MCTP1: variants seen among roughly 807,000 people sequenced by gnomAD.
MCTP1 encodes the protein multiple C2 and transmembrane domain-containing protein 1.
In MCTP1, 69 loss-of-function variants were observed where a neutral mutation model predicts 120.6. The ratio of observed to expected loss-of-function variants is 0.57; its 90% CI spans 0.47 to 0.70. MCTP1 has a LOEUF of 0.70. Among genes scored for constraint, MCTP1 ranks in the 30% least tolerant of loss-of-function variants. The pLI, the probability that MCTP1 is intolerant of heterozygous loss-of-function variation, is 0.00. For missense variants in MCTP1, 1,203 were observed against 1,248.8 expected, an observed-to-expected ratio of 0.96 and a Z score of 0.55; for synonymous variants, 529 against 493.1, an observed-to-expected ratio of 1.07 and a Z score of -0.96.
rs1018547355 is a variant in MCTP1 at position 94,705,123 on chromosome 5, A to ACATT, written c.*2369_*2372dup. ...AGCAGTCCAAGTAGATGTTTGAGTG[A>ACATT]CATTCAGTCTCTTAAGAAATATTTA... On this transcript the variant is annotated 3_prime_UTR_variant, in exon 23 of 23. Coordinates refer to ENST00000515393, the MANE Select transcript of MCTP1 (RefSeq NM_024717.7). 16 of 151,680 alleles carry ACATT rather than the reference A, an allele frequency of 1.1e-4. No individual in the cohort carries two copies. The highest frequency in any genetic ancestry group is 3.9e-4 in the African/African-American group (16 of 41,490). 9.4% of individuals were successfully genotyped at this position (151,680 alleles called of 1,614,324 possible). A position where few individuals can be genotyped will look rare whatever the true frequency, so the allele number is the denominator to read the frequency against.
chr5:95,129,032 G>A (rs183497862), intron 1 of MCTP1, among the ~76,000 whole-genome samples: 2 of 152,164 alleles, frequency 1.3e-5, no homozygotes, highest in East Asian at 3.9e-4. Context: ...AAGGAGCAAA[G>A]GATGCCTAAA....
chr5:94,735,800 A>AT (rs1554082658), intron 19 of MCTP1, among the ~76,000 whole-genome samples: 48,446 of 152,258 alleles, frequency 0.32, 7,911 homozygotes, highest in Non-Finnish European at 0.34. Flanking sequence ...ACTTTAAAAT[A>AT]TATCTGTGCA....
chr5:95,264,144 G>A (rs557414327), intron 1 of MCTP1, among the ~76,000 whole-genome samples: 1 of 152,348 alleles, frequency 6.6e-6, no homozygotes, highest in East Asian at 1.9e-4. Flanking sequence ...AGGAGGAAAA[G>A]AGGATGGTAA....
intron 17 of MCTP1, among the ~76,000 whole-genome samples, chr5:94,833,975 C>T (rs1789132681): frequency 6.6e-6 from 1 of 152,188 alleles, no homozygotes; most frequent in South Asian, 2.1e-4. Context: ...CAATACTTTT[C>T]TGCTGTCACC....
At chr5:95,264,390 T>C (rs1037959817) in intron 1 of MCTP1, among the ~76,000 whole-genome samples, 10 of 152,310 alleles carry the variant, frequency 6.6e-5, no homozygotes, top group Middle Eastern at 3.4e-3. Flanking sequence ...TAAAATTCCA[T>C]ACTCTATGCT....
chr5:95,226,608 G>C (rs1409781249), intron 1 of MCTP1, among the ~76,000 whole-genome samples: 1 of 150,028 alleles, frequency 6.7e-6, no homozygotes, highest in Admixed American at 6.6e-5. Context: ...TTTTTAACTT[G>C]CCAACTATGG....
intron 1 of MCTP1, among the ~76,000 whole-genome samples, chr5:95,054,793 T>C (rs1746934409): frequency 1.1e-5 from 1 of 93,592 alleles, no homozygotes. Context: ...GTGTTTTTTG[T>C]TGTTATTGTT....
chr5:94,888,686 C>T (rs1581200132), intron 12 of MCTP1, among the ~76,000 whole-genome samples, 193 bp downstream of exon 12: 1 of 152,146 alleles, frequency 6.6e-6, no homozygotes, highest in African/African-American at 2.4e-5. Flanking sequence ...ATTTTTAATA[C>T]ATTACCCTGC....
At chr5:95,228,685 A>T (rs1442852876) in intron 1 of MCTP1, among the ~76,000 whole-genome samples, 2 of 152,168 alleles carry the variant, frequency 1.3e-5, no homozygotes, top group Non-Finnish European at 2.9e-5. Flanking sequence ...AGGTGATTAA[A>T]TCATGGGGCA....
chr5:95,171,883 A>G (rs2152498150), intron 1 of MCTP1, among the ~76,000 whole-genome samples: 1 of 152,036 alleles, frequency 6.6e-6, no homozygotes, highest in Non-Finnish European at 1.5e-5. Flanking sequence ...GAGGAGTTTA[A>G]TCGTCTGAAG....
At chr5:95,199,756 G>A (rs1359980120) in intron 1 of MCTP1, among the ~76,000 whole-genome samples, 1 of 151,978 alleles carries the variant, frequency 6.6e-6, no homozygotes, top group African/African-American at 2.4e-5. Context: ...CTACTCAGGA[G>A]GCTGGGGCAA....
At chr5:94,765,104 T>C (rs1325680436) in intron 19 of MCTP1, among the ~76,000 whole-genome samples, 1 of 152,074 alleles carries the variant, frequency 6.6e-6, no homozygotes, top group Non-Finnish European at 1.5e-5. Context: ...CTTTGGGAAC[T>C]GTATAAATAT....
chr5:94,722,164 A>G (rs1424277878), intron 19 of MCTP1, among the ~76,000 whole-genome samples: 2 of 152,192 alleles, frequency 1.3e-5, no homozygotes, highest in Non-Finnish European at 2.9e-5. Flanking sequence ...AAGAAAATCT[A>G]AAGACCTAAA....
intron 17 of MCTP1, among the ~76,000 whole-genome samples, chr5:94,824,995 G>A: frequency 6.6e-6 from 1 of 152,084 alleles, no homozygotes; most frequent in East Asian, 1.9e-4. Context: ...CCAGCCCCTG[G>A]ATACACTGAT....
chr5:95,073,453 T>A (rs1440984036), intron 1 of MCTP1, among the ~76,000 whole-genome samples: 1 of 152,134 alleles, frequency 6.6e-6, no homozygotes, highest in Non-Finnish European at 1.5e-5. Context: ...TCAACCTTAC[T>A]GAGTATGGAG....
intron 7 of MCTP1, among the ~76,000 whole-genome samples, chr5:94,920,538 C>T (rs1487636532): frequency 3.3e-5 from 5 of 151,676 alleles, no homozygotes; most frequent in East Asian, 1.9e-4. Flanking sequence ...GTCAGGAGAT[C>T]GAGACCATCC....
intron 1 of MCTP1, among the ~76,000 whole-genome samples, chr5:95,210,174 G>A (rs952110245): frequency 6.6e-6 from 1 of 152,198 alleles, no homozygotes; most frequent in Non-Finnish European, 1.5e-5. Flanking sequence ...GGAGAGTTCT[G>A]TAGATGTCTA....
chr5:94,784,100 A>G (rs1487270854), intron 18 of MCTP1, among the ~76,000 whole-genome samples: 12 of 152,116 alleles, frequency 7.9e-5, no homozygotes, highest in Admixed American at 7.9e-4. Context: ...GAAAACTGAC[A>G]CAAAAGAAAG....
chr5:94,890,936 A>C (rs1802442968), intron 11 of MCTP1, among the ~76,000 whole-genome samples: 1 of 152,228 alleles, frequency 6.6e-6, no homozygotes, highest in Non-Finnish European at 1.5e-5. Context: ...AGAGAACGTA[A>C]CATACTTTTG....
Sources: gnomAD v4.1 joint callset for allele counts (sites outside exome capture counted in the v4.1 genomes callset) on GRCh38, gnomAD v4.1.1 for gene constraint, MANE v1.5 for transcripts, NCBI Gene and HGNC (gene_info 2026-07-23, HGNC 2026-07-21) for gene names.